The following ZNF420 variants were observed in gnomAD, a reference collection of about 807,000 sequenced individuals.
ZNF420 encodes zinc finger protein 420.
ZNF420 carries 31 observed loss-of-function variants against 44.7 expected under a neutral mutation model. The ratio of observed to expected loss-of-function variants is 0.69; its 90% CI spans 0.52 to 0.94. The LOEUF is 0.94. Ranked by LOEUF, ZNF420 falls within the 40% of genes least tolerant of loss-of-function variation. The pLI is 0.00. For synonymous variants in ZNF420, 245 were observed against 267.4 expected (o/e 0.92, Z 0.82); for missense variants, 681 against 827.9 (o/e 0.82, Z 2.18).
At chr19:37,050,108 G>C (rs1967612131) in intron 1 of ZNF420, among the ~76,000 whole-genome samples, 1 of 152,082 alleles carries the variant, frequency 6.6e-6, no homozygotes, top group South Asian at 2.1e-4. Flanking sequence ...ATGCTGTTTT[G>C]GTTACTGTAG....
At chr19:37,107,509 C>T (rs1023528885) in intron 4 of ZNF420, 1 of 152,452 alleles carries the variant, frequency 6.6e-6, no homozygotes, top group Non-Finnish European at 1.5e-5. Context: ...CATCTCAAGG[C>T]AGAAGAATTT....
At chr19:37,016,953 C>A (rs1000129685) in intron 1 of ZNF420, among the ~76,000 whole-genome samples, 3 of 152,168 alleles carry the variant, frequency 2.0e-5, no homozygotes, top group African/African-American at 7.2e-5. Context: ...GTTTCATAAC[C>A]TCCTACATGA....
intron 1 of ZNF420, among the ~76,000 whole-genome samples, chr19:37,058,532 A>AC (rs1967800779): frequency 6.6e-6 from 1 of 152,086 alleles, no homozygotes; most frequent in African/African-American, 2.4e-5. Flanking sequence ...CCTCAGGGCT[A>AC]CCTAGGCTGT....
chr19:37,129,338 A>G lies in ZNF420; in HGVS notation c.*280A>G, dbSNP rs932176349. ...TTTTCAACGTTATCTTAGCTCTACT[A>G]GTTGATCTTTTTGTTATATGTATCA... is the stretch of plus-strand genomic sequence containing the variant. On this transcript the variant is annotated 3_prime_UTR_variant, in exon 5 of 5. Coordinates refer to ENST00000337995, the MANE Select transcript of ZNF420 (RefSeq NM_144689.5). 20 of 390,118 alleles carry G rather than the reference A, an allele frequency of 5.1e-5. No homozygotes were observed. Among genetic ancestry groups the G allele is most frequent in the African/African-American group, 4.1e-4 (20 of 49,160 alleles). 24.2% of individuals were successfully genotyped at this position (390,118 alleles called of 1,614,324 possible). A position where few individuals can be genotyped will look rare whatever the true frequency, so the allele number is the denominator to read the frequency against.
intron 1 of ZNF420, among the ~76,000 whole-genome samples, chr19:37,025,770 C>CTTTT (rs67671586): frequency 1.5e-5 from 2 of 129,478 alleles, no homozygotes; most frequent in Non-Finnish European, 3.2e-5. Context: ...TTAAACCTGT[C>CTTTT]TTTTTTTTTT....
intron 1 of ZNF420, among the ~76,000 whole-genome samples, chr19:37,018,310 T>C (rs1230271707): frequency 6.6e-6 from 1 of 152,208 alleles, no homozygotes; most frequent in Non-Finnish European, 1.5e-5. Context: ...CTGAAATTCA[T>C]ATGAAACCTC....
chr19:37,049,995 T>C (rs2146422062), intron 1 of ZNF420, among the ~76,000 whole-genome samples: 1 of 152,330 alleles, frequency 6.6e-6, no homozygotes, highest in East Asian at 1.9e-4. Context: ...TTTCTTGTTT[T>C]TGTCAGGTTT....
intron 4 of ZNF420, chr19:37,092,500 G>A (rs1969207945): frequency 6.6e-6 from 1 of 152,112 alleles, no homozygotes; most frequent in Non-Finnish European, 1.5e-5. Context: ...ATCACCTGAG[G>A]TCGGGAGTTC....
intron 4 of ZNF420, among the ~76,000 whole-genome samples, chr19:37,099,340 C>A (rs1022824717): frequency 2.3e-4 from 35 of 151,942 alleles, no homozygotes; most frequent in African/African-American, 8.5e-4. Flanking sequence ...TTTTTACCAG[C>A]ATTTGTTATC....
chr19:37,101,308 A>C (rs1969763779), intron 4 of ZNF420, among the ~76,000 whole-genome samples: 1 of 152,210 alleles, frequency 6.6e-6, no homozygotes, highest in Non-Finnish European at 1.5e-5. Flanking sequence ...CAGCCTGACC[A>C]ATATGGTGAA....
chr19:37,078,094 G>A (rs577370586), upstream of ZNF420: 149 of 153,146 alleles, frequency 9.7e-4, no homozygotes, highest in African/African-American at 3.5e-3. Flanking sequence ...CTCCTCCCCC[G>A]CACCTGCCTG....
chr19:37,030,242 A>T (rs975111065), intron 1 of ZNF420, among the ~76,000 whole-genome samples: 1 of 151,528 alleles, frequency 6.6e-6, no homozygotes, highest in Admixed American at 6.6e-5. Context: ...GCTCACTGCA[A>T]CCTCCGCCTC....
At chr19:37,022,311 GATA>G (rs1211367042) in intron 1 of ZNF420, among the ~76,000 whole-genome samples, 1 of 151,722 alleles carries the variant, frequency 6.6e-6, no homozygotes, top group Non-Finnish European at 1.5e-5. Context: ...TTGCAAACTA[GATA>G]ATATTTGGTT....
At chr19:37,015,355 C>T (rs2074602047) in intron 1 of ZNF420, among the ~76,000 whole-genome samples, 1 of 152,116 alleles carries the variant, frequency 6.6e-6, no homozygotes, top group African/African-American at 2.4e-5. Context: ...CATCTCCCCA[C>T]CCCGGGGAGC....
At chr19:37,049,326 C>T (rs1400642145) in intron 1 of ZNF420, among the ~76,000 whole-genome samples, 1 of 152,124 alleles carries the variant, frequency 6.6e-6, no homozygotes, top group Non-Finnish European at 1.5e-5. Context: ...GTTTACAGTC[C>T]CACCAACAGT....
At chr19:37,041,872 C>A (rs1967458500) in intron 1 of ZNF420, among the ~76,000 whole-genome samples, 1 of 152,214 alleles carries the variant, frequency 6.6e-6, no homozygotes, top group African/African-American at 2.4e-5. Flanking sequence ...AAGGTATAAT[C>A]ATGATTATCT....
intron 4 of ZNF420, among the ~76,000 whole-genome samples, chr19:37,106,457 G>A (rs763174713): frequency 4.6e-5 from 7 of 152,168 alleles, no homozygotes; most frequent in Non-Finnish European, 7.3e-5. Context: ...ATCTGGTTCA[G>A]TCAGAACTTG....
intron 2 of ZNF420, among the ~76,000 whole-genome samples, chr19:37,088,763 G>A (rs1244634102): frequency 1.3e-5 from 2 of 152,100 alleles, no homozygotes; most frequent in Non-Finnish European, 2.9e-5. Flanking sequence ...GAAATATTAA[G>A]TTGTTCATTA....
chr19:37,018,028 A>G (rs1344437042), intron 1 of ZNF420, among the ~76,000 whole-genome samples: 1 of 152,100 alleles, frequency 6.6e-6, no homozygotes, highest in Non-Finnish European at 1.5e-5. Flanking sequence ...ACTGAAGAAC[A>G]CAAAAAAAAG....
Sources: allele counts gnomAD v4.1 joint callset (sites outside exome capture counted in the v4.1 genomes callset), GRCh38; gene constraint gnomAD v4.1.1; transcripts MANE v1.5; gene names NCBI Gene and HGNC (gene_info 2026-07-23, HGNC 2026-07-21).